SLC16A12: variants seen among roughly 807,000 people sequenced by gnomAD.
SLC16A12 encodes the protein solute carrier family 16 member 12, also known as monocarboxylate transporter 12.
In SLC16A12, 17 loss-of-function variants were observed where a neutral mutation model predicts 42.4. That is an observed-to-expected ratio of 0.40 (90% CI 0.27 to 0.60). The LOEUF (loss-of-function observed/expected upper bound fraction) is 0.60, where lower values mean the gene tolerates loss of function less well. Among genes scored for constraint, SLC16A12 ranks in the 20% least tolerant of loss-of-function variants. The pLI is 0.42. For synonymous variants in SLC16A12, 224 were observed against 229.4 expected, an observed-to-expected ratio of 0.98 and a Z score of 0.21; for missense variants, 544 against 623.0, an observed-to-expected ratio of 0.87 and a Z score of 1.35.
At chr10:89,489,715 T>C (rs765444377) in intron 2 of SLC16A12, among the ~76,000 whole-genome samples, 2 of 152,232 alleles carry the variant, frequency 1.3e-5, no homozygotes, top group Non-Finnish European at 2.9e-5. Flanking sequence ...CTAAGGTGAA[T>C]ACTTTTAAAG....
intron 3 of SLC16A12, among the ~76,000 whole-genome samples, chr10:89,459,431 C>T (rs1842255418): frequency 6.6e-6 from 1 of 150,974 alleles, no homozygotes; most frequent in Non-Finnish European, 1.5e-5. Flanking sequence ...TATGCAGGGG[C>T]AGGTAGAAGT....
At chr10:89,436,733 T>C (rs1035661342) in intron 6 of SLC16A12, among the ~76,000 whole-genome samples, 9 of 148,688 alleles carry the variant, frequency 6.1e-5, no homozygotes, top group Non-Finnish European at 1.3e-4. Context: ...AGAAGAATTG[T>C]CTTGGGCCAC....
chr10:89,518,283 T>C (rs1564597076), intron 2 of SLC16A12, among the ~76,000 whole-genome samples: 2 of 152,312 alleles, frequency 1.3e-5, no homozygotes, highest in Non-Finnish European at 1.5e-5. Flanking sequence ...CCAGGGGCAC[T>C]CTGGCTTCTC....
chr10:89,507,603 G>A (rs1039977991), intron 2 of SLC16A12, among the ~76,000 whole-genome samples: 3 of 152,118 alleles, frequency 2.0e-5, no homozygotes, highest in Admixed American at 6.6e-5. Context: ...AGGAACAACC[G>A]GCATCAGCCA....
chr10:89,504,543 C>G (rs1021170166), intron 2 of SLC16A12, among the ~76,000 whole-genome samples: 1 of 152,160 alleles, frequency 6.6e-6, no homozygotes, highest in Admixed American at 6.5e-5. Flanking sequence ...CAAGTTGGTA[C>G]ATACGGAACC....
chr10:89,542,154 G>A (rs1262183617), intron 2 of SLC16A12, among the ~76,000 whole-genome samples: 3 of 151,946 alleles, frequency 2.0e-5, no homozygotes, highest in African/African-American at 7.3e-5. Context: ...AAGGTGAGGT[G>A]TTCTCTGAAG....
At chr10:89,472,372 T>C (rs1842511241) in intron 2 of SLC16A12, among the ~76,000 whole-genome samples, 1 of 152,006 alleles carries the variant, frequency 6.6e-6, no homozygotes, top group Non-Finnish European at 1.5e-5. Context: ...TGTTCACAGA[T>C]TGGAAGACTT....
intron 7 of SLC16A12, among the ~76,000 whole-genome samples, chr10:89,435,422 A>G (rs1382675692): frequency 6.6e-6 from 1 of 152,280 alleles, no homozygotes; most frequent in Non-Finnish European, 1.5e-5. Flanking sequence ...CCTTGCCCCC[A>G]GAGCTCATCT....
intron 2 of SLC16A12, among the ~76,000 whole-genome samples, chr10:89,532,612 G>A (rs1843573538): frequency 6.6e-6 from 1 of 152,140 alleles, no homozygotes; most frequent in East Asian, 1.9e-4. Flanking sequence ...AAAGCAACTG[G>A]TTAGGTGAGG....
chr10:89,524,286 C>T (rs779311310), intron 2 of SLC16A12, among the ~76,000 whole-genome samples: 5 of 152,136 alleles, frequency 3.3e-5, no homozygotes, highest in Non-Finnish European at 5.9e-5. Context: ...ACCAAATCCC[C>T]ACTCCCACCC....
In SLC16A12 at chr10:89,441,239, C is replaced by A. The variant is rs959779597; in HGVS notation, c.317G>T (p.Ser106Ile). 1 of 1,614,106 alleles carries A rather than the reference C, an allele frequency of 6.2e-7. No individual in the cohort carries two copies. Among genetic ancestry groups the A allele is most frequent in the Non-Finnish European group, 8.5e-7 (1 of 1,179,984 alleles). The change falls in exon 5 of 8, where the codon AGT becomes ATT. Residue 106 changes from serine to isoleucine, a missense_variant. Coordinates refer to ENST00000371790, the MANE Select transcript of SLC16A12 (RefSeq NM_213606.4). ...CVTMLCAPLG[S>I]VVSNHLSCQV... ...ACAGGATAAATGGTTACTGACAACA[C>A]TCCCAAGTGGAGCTTCAAAAACAAT...
chr10:89,482,185 C>A, intron 2 of SLC16A12, among the ~76,000 whole-genome samples: 1 of 128,576 alleles, frequency 7.8e-6, no homozygotes, highest in Non-Finnish European at 1.6e-5. Context: ...AATAGAGTGT[C>A]AAATAGTACA....
chr10:89,451,169 G>C (rs1236425906), intron 3 of SLC16A12, among the ~76,000 whole-genome samples: 1 of 152,154 alleles, frequency 6.6e-6, no homozygotes, highest in Admixed American at 6.5e-5. Flanking sequence ...TTGGAGCTAA[G>C]TTCCAATTAA....
At chr10:89,437,398 G>C (rs1841819261) in intron 6 of SLC16A12, among the ~76,000 whole-genome samples, 1 of 152,180 alleles carries the variant, frequency 6.6e-6, no homozygotes, top group Admixed American at 6.5e-5. Flanking sequence ...TCACAAAATA[G>C]TATAAGGTCA....
chr10:89,512,804 G>A (rs1671325396), intron 2 of SLC16A12, among the ~76,000 whole-genome samples: 1 of 152,196 alleles, frequency 6.6e-6, no homozygotes, highest in South Asian at 2.1e-4. Flanking sequence ...GAACCCAAGA[G>A]GGGGTTGGAA....
At chr10:89,517,254 T>C (rs569625286) in intron 2 of SLC16A12, among the ~76,000 whole-genome samples, 1 of 151,996 alleles carries the variant, frequency 6.6e-6, no homozygotes, top group South Asian at 2.1e-4. Flanking sequence ...ACAAAATAGT[T>C]TATTGAGTTC....
At chr10:89,445,554 A>G (rs1031427318) in intron 3 of SLC16A12, among the ~76,000 whole-genome samples, 4 of 152,358 alleles carry the variant, frequency 2.6e-5, no homozygotes, top group East Asian at 3.9e-4. Flanking sequence ...AACGAATAAC[A>G]TCAACGTCAA....
rs11314848 is a variant in SLC16A12, at chr10:89,432,472, G to GA, written c.*591dup. ...GCAAGGGCTGGCTGGAAGACTAAGA[G>GA]AAAAAAAAAATAAGAGTTTCTTTCT... On this transcript the variant is annotated 3_prime_UTR_variant, in exon 8 of 8. Coordinates refer to ENST00000371790, the MANE Select transcript of SLC16A12 (RefSeq NM_213606.4). 3.5e-4 allele frequency: 52 copies of GA among 149,366 alleles called. No homozygotes were observed. Among genetic ancestry groups the GA allele is most frequent in the Middle Eastern group, 3.4e-3 (1 of 292 alleles). The allele number at this position is 149,366 out of a possible 1,614,324, so 9.3% of individuals were successfully genotyped here. A position where few individuals can be genotyped will look rare whatever the true frequency, so the allele number is the denominator to read the frequency against.
intron 2 of SLC16A12, among the ~76,000 whole-genome samples, chr10:89,549,703 T>G (rs1373648598): frequency 4.6e-5 from 7 of 152,194 alleles, no homozygotes; most frequent in Admixed American, 3.3e-4. Context: ...GAAAGCAGTG[T>G]GTCTATAATT....
Sources: gnomAD v4.1 joint callset for allele counts (sites outside exome capture counted in the v4.1 genomes callset) on GRCh38, gnomAD v4.1.1 for gene constraint, MANE v1.5 for transcripts, NCBI Gene and HGNC (gene_info 2026-07-23, HGNC 2026-07-21) for gene names.